IPO11: variants seen among roughly 807,000 people sequenced by gnomAD.
IPO11 encodes importin 11.
A neutral mutation model predicts 143.2 loss-of-function variants in IPO11; 66 were observed. The observed-to-expected ratio is 0.46, with a 90% confidence interval of 0.38 to 0.57. The LOEUF (loss-of-function observed/expected upper bound fraction) is 0.57, where lower values mean the gene tolerates loss of function less well. IPO11 is among the 20% of genes least tolerant of loss of function. IPO11 has a pLI of 0.00. For missense variants in IPO11, 1,026 were observed against 1,141.0 expected, an observed-to-expected ratio of 0.90 and a Z score of 1.45; for synonymous variants, 385 against 377.8, an observed-to-expected ratio of 1.02 and a Z score of -0.22.
intron 22 of IPO11, among the ~76,000 whole-genome samples, chr5:62,533,796 A>G (rs1653702320): frequency 6.6e-6 from 1 of 152,130 alleles, no homozygotes; most frequent in South Asian, 2.1e-4. Context: ...CCCCATGTCT[A>G]CAAGAAATAA....
chr5:62,536,978 T>C (rs907525899), intron 23 of IPO11, among the ~76,000 whole-genome samples, 197 bp downstream of exon 23: 4 of 152,178 alleles, frequency 2.6e-5, no homozygotes, highest in Admixed American at 2.0e-4. Flanking sequence ...AAATGTGCTA[T>C]GTCAACAAAT....
At chr5:62,614,827 A>G (rs1338015895) in intron 29 of IPO11, among the ~76,000 whole-genome samples, 2 of 152,184 alleles carry the variant, frequency 1.3e-5, no homozygotes, top group African/African-American at 4.8e-5. Context: ...AGGAAGAATC[A>G]GGTCACACAC....
intron 24 of IPO11, among the ~76,000 whole-genome samples, chr5:62,549,455 T>C (rs1338687611): frequency 2.0e-5 from 3 of 152,204 alleles, no homozygotes; most frequent in Admixed American, 6.5e-5. Context: ...TCTCCCTCCA[T>C]GCATGGGATG....
At chr5:62,592,174 C>T (rs113284813) in intron 28 of IPO11, among the ~76,000 whole-genome samples, 3,216 of 152,170 alleles carry the variant, frequency 0.021, 95 homozygotes, top group African/African-American at 0.073. Context: ...TATGTTACAG[C>T]GACAACCTGA....
At chr5:62,595,891 A>T (rs551429292) in intron 28 of IPO11, among the ~76,000 whole-genome samples, 1 of 151,906 alleles carries the variant, frequency 6.6e-6, no homozygotes, top group East Asian at 1.9e-4. Context: ...TCCTTCAATA[A>T]TATTTTTGTT....
At chr5:62,429,587 C>CGTGTGTGT (rs56185914) in intron 1 of IPO11, among the ~76,000 whole-genome samples, 1,585 of 128,546 alleles carry the variant, frequency 0.012, 16 homozygotes, top group Middle Eastern at 0.023. Flanking sequence ...GTCTGATTTT[C>CGTGTGTGT]GTGTGTGTGT....
In IPO11 at chr5:62,462,786, G is replaced by C. The variant is rs537460154; in HGVS notation, c.517-4345G>C. On this transcript the variant is annotated intron_variant, in intron 5 of 29. Coordinates refer to ENST00000325324, the MANE Select transcript of IPO11 (RefSeq NM_016338.5). ...TCTCCCTTAATGTTTTCTTTCTTGA[G>C]CCTGTGCCTGTTTTATTTGGCTGAC... 4.0e-5 allele frequency among the ~76,000 whole-genome samples: 6 copies of C among 151,836 alleles called. No individual in the cohort carries two copies. The South Asian group carries it at 1.2e-3, about 32-fold the overall frequency.
intron 1 of IPO11, among the ~76,000 whole-genome samples, chr5:62,430,719 C>T (rs1336278942): frequency 1.3e-5 from 2 of 149,842 alleles, no homozygotes; most frequent in African/African-American, 2.5e-5. Context: ...TGTTCTGTCG[C>T]GAGGCTGGAG....
chr5:62,474,225 C>T (rs988134169), intron 7 of IPO11, among the ~76,000 whole-genome samples, 191 bp from the exon 8 acceptor site: 5 of 152,136 alleles, frequency 3.3e-5, no homozygotes, highest in African/African-American at 9.7e-5. Flanking sequence ...GGATGAAATA[C>T]TATAGTTATT....
chr5:62,462,660 A>C (rs985258389), intron 5 of IPO11, among the ~76,000 whole-genome samples: 2 of 152,248 alleles, frequency 1.3e-5, no homozygotes, highest in Middle Eastern at 6.8e-3. Context: ...CCTCCTGAGT[A>C]GCTGGGATTA....
At chr5:62,427,851 G>C (rs535178562) in intron 1 of IPO11, among the ~76,000 whole-genome samples, 6 of 152,198 alleles carry the variant, frequency 3.9e-5, no homozygotes, top group Non-Finnish European at 5.9e-5. Context: ...TACATCAGTA[G>C]CCCTGGTGGT....
chr5:62,530,960 G>A (rs1170258800), intron 22 of IPO11, among the ~76,000 whole-genome samples, 175 bp downstream of exon 22: 1 of 152,020 alleles, frequency 6.6e-6, no homozygotes, highest in African/African-American at 2.4e-5. Flanking sequence ...TGAGGTTTGG[G>A]GTACAATTGA....
chr5:62,589,869 T>C (rs1360618488), intron 27 of IPO11, among the ~76,000 whole-genome samples: 2 of 152,144 alleles, frequency 1.3e-5, no homozygotes, highest in Non-Finnish European at 2.9e-5. Flanking sequence ...AAAGCTGCAT[T>C]GCGGTAGGCT....
chr5:62,443,090 T>G lies in IPO11; in HGVS notation c.239+7T>G, dbSNP rs755173423. The G allele has an allele frequency of 4.4e-5, 68 of 1,531,850 alleles. No individual in the cohort carries two copies. Among genetic ancestry groups the G allele is most frequent in the Admixed American group, 1.4e-4 (8 of 57,390 alleles). The allele number at this position is 1,531,850 out of a possible 1,614,324, so 94.9% of individuals were successfully genotyped here. On this transcript the variant is annotated splice_region_variant and intron_variant, in intron 3 of 29. Coordinates refer to ENST00000325324, the MANE Select transcript of IPO11 (RefSeq NM_016338.5). ...GGAGACGTGTAGCACCTCAGTAAGT[T>G]CCATCACTTCCCCTATTCCTTGAGT...
At chr5:62,556,387 G>A (rs73108048) in intron 26 of IPO11, among the ~76,000 whole-genome samples, 2,564 of 152,222 alleles carry the variant, frequency 0.017, 67 homozygotes, top group African/African-American at 0.059. Flanking sequence ...TATAATTAAA[G>A]CATCATATGA....
At chr5:62,593,351 C>T (rs989635901) in intron 28 of IPO11, among the ~76,000 whole-genome samples, 1 of 152,016 alleles carries the variant, frequency 6.6e-6, no homozygotes, top group Non-Finnish European at 1.5e-5. Context: ...TCAGGATATC[C>T]AGGCCCTGAA....
At chr5:62,491,856 G>C (rs949905482) in intron 15 of IPO11, among the ~76,000 whole-genome samples, 2 of 151,760 alleles carry the variant, frequency 1.3e-5, no homozygotes, top group Non-Finnish European at 2.9e-5. Flanking sequence ...TTTTTTAGTA[G>C]AGACGAGGTT....
intron 1 of IPO11, among the ~76,000 whole-genome samples, chr5:62,417,848 T>A (rs984483385): frequency 1.3e-5 from 2 of 152,196 alleles, no homozygotes; most frequent in Non-Finnish European, 2.9e-5. Flanking sequence ...CCTGACATTG[T>A]TTTCCTCCTA....
At chr5:62,448,420 A>G (rs1744793939) in intron 3 of IPO11, among the ~76,000 whole-genome samples, 1 of 152,244 alleles carries the variant, frequency 6.6e-6, no homozygotes, top group Admixed American at 6.5e-5. Context: ...AAGGGAGGAC[A>G]ACTATATTCA....
Sources: gnomAD v4.1 joint callset for allele counts (sites outside exome capture counted in the v4.1 genomes callset) on GRCh38, gnomAD v4.1.1 for gene constraint, MANE v1.5 for transcripts, NCBI Gene and HGNC (gene_info 2026-07-23, HGNC 2026-07-21) for gene names.